Variants in PTDSS2 observed in about 807,000 individuals in gnomAD.
The protein encoded by PTDSS2 is phosphatidylserine synthase 2.
In PTDSS2, 41 loss-of-function variants were observed where a neutral mutation model predicts 64.7. That is an observed-to-expected ratio of 0.63 (90% CI 0.49 to 0.82). The LOEUF (loss-of-function observed/expected upper bound fraction) is 0.82. PTDSS2 is among the 40% of genes least tolerant of loss of function. The pLI is 0.00. For missense variants in PTDSS2, 485 were observed against 650.0 expected (o/e 0.75, Z 2.76); for synonymous variants, 297 against 277.8 (o/e 1.07, Z -0.69).
chr11:486,773 A>C (rs578213110), intron 4 of PTDSS2, 166 bp from the exon 5 acceptor site: 1 of 451,798 alleles, frequency 2.2e-6, no homozygotes, highest in African/African-American at 2.1e-5. Flanking sequence ...GCGTGAACCC[A>C]GGAGGCGGAG....
Position 479,246 on chromosome 11 carries a change from G to A in PTDSS2, c.435+94G>A, listed in dbSNP as rs2301170. 1.1e-5 allele frequency: 11 copies of A among 1,039,748 alleles called. No individual in the cohort carries two copies. The highest frequency in any genetic ancestry group is 7.1e-5 in the East Asian group (3 of 42,342). 64.4% of individuals were successfully genotyped at this position (1,039,748 alleles called of 1,614,324 possible). A position where few individuals can be genotyped will look rare whatever the true frequency, so the allele number is the denominator to read the frequency against. On this transcript the variant is annotated intron_variant, in intron 4 of 11. Coordinates refer to ENST00000308020, the MANE Select transcript of PTDSS2 (RefSeq NM_030783.3). This position sits in a 1 kb window ranked among gnomAD's most constrained non-coding sequence, Gnocchi z 4.2. ...AGGAGGCCTTGCCCACACAGCCCTC[G>A]AGTGATGGGAGGAAGCAGGGCTAGA...
chr11:470,715 G>A lies in PTDSS2; in HGVS notation c.285-3180G>A, dbSNP rs535015096. ...AGTGATTCTCCTGCCTCAGCCTCCC[G>A]AGTAGCTGGGATTACAGGTGCCTGC... On this transcript the variant is annotated intron_variant, in intron 2 of 11. Transcript: ENST00000308020. This position sits in a 1 kb window ranked among gnomAD's most constrained non-coding sequence, Gnocchi z 5.3. Among the ~76,000 whole-genome samples the A allele has an allele frequency of 2.4e-4, 36 of 151,902 alleles. No homozygotes were observed. Among genetic ancestry groups the A allele is most frequent in the African/African-American group, 6.8e-4 (28 of 41,384 alleles).
chr11:490,789 CGTGT>C lies in PTDSS2; in HGVS notation c.*212_*215del, dbSNP rs765385246. The C allele has an allele frequency of 1.3e-5, 8 of 605,716 alleles. No homozygotes were observed. The highest frequency in any genetic ancestry group is 4.0e-5 in the South Asian group (2 of 50,202). The allele number at this position is 605,716 out of a possible 1,614,324, so 37.5% of individuals were successfully genotyped here. On this transcript the variant is annotated 3_prime_UTR_variant, in exon 12 of 12. Transcript: ENST00000308020. ...GTGTACACGTGTGTACGTGTGTATG[CGTGT>C]GTGTACGCGTGTGTACGCGCGTGTG...
In PTDSS2 at chr11:490,183, C is replaced by G. The variant is rs1380911060; in HGVS notation, c.1301+115C>G. On this transcript the variant is annotated intron_variant, in intron 11 of 11. Transcript: ENST00000308020. ...GTCTCACTGTCCCTGCTTCAACCCT[C>G]TGGCCGCCTCTGCGGGAGGCGCCTT... is the stretch of plus-strand genomic sequence containing the variant. 2.4e-6 allele frequency: 3 copies of G among 1,258,072 alleles called. No homozygotes were observed. The Admixed American group carries it at 7.3e-5, about 30-fold the overall frequency. 77.9% of individuals were successfully genotyped at this position (1,258,072 alleles called of 1,614,324 possible).
At chr11:454,092 G>A (rs1425357781) in intron 1 of PTDSS2, among the ~76,000 whole-genome samples, 1 of 152,250 alleles carries the variant, frequency 6.6e-6, no homozygotes, top group African/African-American at 2.4e-5. Flanking sequence ...TCCAAGATGT[G>A]TAGACGTCGT....
At chr11:487,287 C>T (rs1848437268) in intron 5 of PTDSS2, 133 bp from the exon 6 acceptor site, 7 of 1,006,220 alleles carry the variant, frequency 7.0e-6, no homozygotes, top group South Asian at 2.7e-5. Context: ...CCACAGGCCA[C>T]GGCAGCACCT....
At chr11:449,377 T>C (rs932541922), upstream of PTDSS2, among the ~76,000 whole-genome samples, 1 of 152,114 alleles carries the variant, frequency 6.6e-6, no homozygotes, top group Non-Finnish European at 1.5e-5. Flanking sequence ...CTGCCTAGCA[T>C]AATGTTTTCA....
intron 1 of PTDSS2, among the ~76,000 whole-genome samples, chr11:454,072 C>T (rs1016769557): frequency 1.3e-5 from 2 of 152,224 alleles, no homozygotes; most frequent in African/African-American, 2.4e-5. Context: ...TTGAGCGGCA[C>T]TCTGTCACTT....
At chr11:466,924 G>A (rs1286353542) in intron 2 of PTDSS2, among the ~76,000 whole-genome samples, 3 of 152,104 alleles carry the variant, frequency 2.0e-5, no homozygotes, top group Non-Finnish European at 2.9e-5. Context: ...GCGTGGTGGT[G>A]CACACCTGCA....
At chr11:449,257 G>A (rs1192794357), upstream of PTDSS2, among the ~76,000 whole-genome samples, 1 of 152,138 alleles carries the variant, frequency 6.6e-6, no homozygotes, top group Non-Finnish European at 1.5e-5. Context: ...TAGTAAAGAT[G>A]GGGTGTCACC....
Position 489,741 on chromosome 11 carries a change from C to A in PTDSS2, c.1115+8C>A. On this transcript the variant is annotated splice_region_variant and intron_variant, in intron 10 of 11. Coordinates refer to ENST00000308020, the MANE Select transcript of PTDSS2 (RefSeq NM_030783.3). ...CGACTTCATGGATGACCCGTGAGGG[C>A]TGCGGCAGTCCGGGTGGAGACACCC... The A allele has an allele frequency of 6.2e-7, 1 of 1,606,990 alleles. No homozygotes were observed. Among genetic ancestry groups the A allele is most frequent in the South Asian group, 1.1e-5 (1 of 89,948 alleles).
chr11:451,702 A>G (rs1337083821), intron 1 of PTDSS2, among the ~76,000 whole-genome samples: 1 of 152,162 alleles, frequency 6.6e-6, no homozygotes, highest in Non-Finnish European at 1.5e-5. Flanking sequence ...GGGACTTGTC[A>G]GGGGAAGGCG....
chr11:490,484 A>G lies in PTDSS2; in HGVS notation c.1366A>G (p.Ser456Gly), dbSNP rs117857885. 3.2e-3 allele frequency: 5,099 copies of G among 1,613,156 alleles called. 91 individuals are homozygous for G. The Admixed American group carries it at 0.036, about 11-fold the overall frequency. Residue 456 changes from serine (S) to glycine (G), a missense_variant, in exon 12 of 12, where the codon AGC becomes GGC. Physicochemically the swap from Ser to Gly is moderately conservative, Grantham distance 56 (BLOSUM62 0). Coordinates refer to ENST00000308020, the MANE Select transcript of PTDSS2 (RefSeq NM_030783.3). ...QKWQNKDDQG[S>G]TVGNGDQHPL... ...GTGGCAGAACAAGGATGACCAGGGC[A>G]GCACCGTCGGCAACGGGGACCAGCA...
In PTDSS2 at chr11:490,351, C is replaced by T. The variant is rs970966396; in HGVS notation, c.1302-69C>T. On this transcript the variant is annotated intron_variant, in intron 11 of 11. Coordinates refer to ENST00000308020, the MANE Select transcript of PTDSS2 (RefSeq NM_030783.3). ...CCGGACCTCCACAGGGACTAGGTGCCAGCTGTCCATGGGGCCTGCAGTGGG... is the reference window on the plus strand; with the variant it reads ...CCGGACCTCCACAGGGACTAGGTGCTAGCTGTCCATGGGGCCTGCAGTGGG... The T allele has an allele frequency of 4.4e-6, 7 of 1,600,728 alleles. No individual in the cohort carries two copies. In the African/African-American group the frequency reaches 8.0e-5, roughly 18 times the overall value.
intron 2 of PTDSS2, among the ~76,000 whole-genome samples, chr11:464,445 T>C (rs1489942461): frequency 6.6e-6 from 1 of 151,984 alleles, no homozygotes; most frequent in Non-Finnish European, 1.5e-5. Flanking sequence ...TCAGAGTGCC[T>C]CACCCCGGCT....
chr11:475,197 A>G (rs1013631726), intron 3 of PTDSS2, among the ~76,000 whole-genome samples: 10 of 124,668 alleles, frequency 8.0e-5, no homozygotes, highest in African/African-American at 2.9e-4. Context: ...CGTTTATGAT[A>G]TGGACATAAT....
Position 490,799 on chromosome 11 carries a change from C to CGTGTGTAT in PTDSS2, c.*218_*219insTGTGTATG, listed in dbSNP as rs1491124067. On this transcript the variant is annotated 3_prime_UTR_variant, in exon 12 of 12. Transcript: ENST00000308020. ...GTGTACGTGTGTATGCGTGTGTGTA[C>CGTGTGTAT]GCGTGTGTACGCGCGTGTGTACACA... 9 of 574,294 alleles carry CGTGTGTAT rather than the reference C, an allele frequency of 1.6e-5. No homozygotes were observed. In the Admixed American group the frequency reaches 1.6e-4, roughly 10 times the overall value. 35.6% of individuals were successfully genotyped at this position (574,294 alleles called of 1,614,324 possible).
intron 2 of PTDSS2, among the ~76,000 whole-genome samples, chr11:466,597 C>T (rs538555824): frequency 3.0e-4 from 46 of 151,900 alleles, no homozygotes; most frequent in African/African-American, 9.9e-4. Flanking sequence ...TTAATAGAGA[C>T]GAGGTTTCAC....
rs1564965690 is a variant in PTDSS2, at chr11:462,055, C to T, written c.284+1767C>T. Reference sequence around the variant, plus strand: ...GGACCGGGTCTCACCTCAAGTGTCCCACATGGCAAGAATTGTCAAGAGCAG... The same window carrying T: ...GGACCGGGTCTCACCTCAAGTGTCCTACATGGCAAGAATTGTCAAGAGCAG... On this transcript the variant is annotated intron_variant, in intron 2 of 11. Coordinates refer to ENST00000308020, the MANE Select transcript of PTDSS2 (RefSeq NM_030783.3). The surrounding 1 kb of genome is among the most constrained non-coding windows in gnomAD (Gnocchi z 4.5). Among the ~76,000 whole-genome samples the T allele has an allele frequency of 6.6e-6, 1 of 152,196 alleles. No homozygotes were observed. Among genetic ancestry groups the T allele is most frequent in the Non-Finnish European group, 1.5e-5 (1 of 68,014 alleles).
Sources: allele counts gnomAD v4.1 joint callset (sites outside exome capture counted in the v4.1 genomes callset), GRCh38; gene constraint gnomAD v4.1.1; non-coding constraint Gnocchi (gnomAD v3.1); transcripts MANE v1.5; gene names NCBI Gene and HGNC (gene_info 2026-07-23, HGNC 2026-07-21).